MUC4: variants seen among roughly 807,000 people sequenced by gnomAD.
The protein encoded by MUC4 is mucin-4.
MUC4 carries 202 observed loss-of-function variants against 257.9 expected under a neutral mutation model. That is an observed-to-expected ratio of 0.78 (90% CI 0.70 to 0.88). The LOEUF (loss-of-function observed/expected upper bound fraction) is 0.88. Ranked by LOEUF, MUC4 falls within the 40% of genes least tolerant of loss-of-function variation. The pLI is 0.00. For synonymous variants in MUC4, 2,351 were observed against 2,757.1 expected (o/e 0.85, Z 4.62); for missense variants, 5,976 against 6,513.7 (o/e 0.92, Z 2.84).
Position 195,790,805 on chromosome 3 carries a change from T to A in MUC4, c.775A>T (p.Met259Leu), listed in dbSNP as rs550241637. 2 of 1,613,778 alleles carry A rather than the reference T, an allele frequency of 1.2e-6. No individual in the cohort carries two copies. The highest frequency in any genetic ancestry group is 1.1e-5 in the South Asian group (1 of 91,076). ...GTCACTGTTATCTTCTCTGATGTCA[T>A]CATGGATGTGTTTGTGACACTACAG... is the stretch of plus-strand genomic sequence containing the variant. The part of the protein sequence containing the change: ...SLCSVTNTSM[M>L]TSEKITVTTS... Residue 259 changes from methionine (M) to leucine (L), a missense_variant, in exon 2 of 25, where the codon ATG becomes TTG. This residue lies in a region of MUC4 where 1,583 missense variants were observed against 1,257.4 expected (regional missense o/e 1.26). Transcript: ENST00000463781.
intron 10 of MUC4, among the ~76,000 whole-genome samples, chr3:195,764,722 G>A (rs62285016): frequency 0.15 from 22,256 of 152,064 alleles, 1,809 homozygotes; most frequent in Non-Finnish European, 0.2. Context: ...CTACAGGGAC[G>A]GGGTCAGCCT....
intron 17 of MUC4, among the ~76,000 whole-genome samples, chr3:195,758,049 G>T (rs1432327990): frequency 6.6e-6 from 1 of 152,224 alleles, no homozygotes; most frequent in African/African-American, 2.4e-5. Context: ...CAGAGAGAAA[G>T]AACATCAGGC....
rs1452626313 is a variant in MUC4 at position 195,778,371 on chromosome 3, G to A, written c.12875C>T (p.Ser4292Phe). The change falls in exon 3 of 25, where the codon TCC (serine) becomes TTC (phenylalanine). Residue 4292 changes from serine to phenylalanine, a missense_variant. By Grantham distance (155) the Ser-to-Phe change is radical. This residue lies in a region of MUC4 where 233 missense variants were observed against 171.2 expected (regional missense o/e 1.36). Coordinates refer to ENST00000463781, the MANE Select transcript of MUC4 (RefSeq NM_018406.7). Reference sequence around the variant, plus strand: ...GTGCATGGCAGTGCTGGGAATGGTGGAAATGATGGTCTGGGAGGTTGTGGG... The same window carrying A: ...GTGCATGGCAGTGCTGGGAATGGTGAAAATGATGGTCTGGGAGGTTGTGGG... ...PPPTTSQTIISTIPSTAMHTR... is the reference protein window; with the variant it reads ...PPPTTSQTIIFTIPSTAMHTR... 1.2e-6 allele frequency: 2 copies of A among 1,613,096 alleles called. No individual in the cohort carries two copies. Among genetic ancestry groups the A allele is most frequent in the Admixed American group, 1.7e-5 (1 of 59,932 alleles).
At chr3:195,772,527 C>T (rs760638635) in intron 4 of MUC4, among the ~76,000 whole-genome samples, 12 of 78,226 alleles carry the variant, frequency 1.5e-4, no homozygotes, top group African/African-American at 4.6e-4. Flanking sequence ...AGACACCCTC[C>T]CTTCATCGCT....
intron 3 of MUC4, among the ~76,000 whole-genome samples, chr3:195,776,803 A>ACCCATACCTTCCACG (rs1724901370): frequency 2.7e-5 from 2 of 72,732 alleles, no homozygotes; most frequent in Admixed American, 1.4e-4. Context: ...TACCTTCCAC[A>ACCCATACCTTCCACG]CCCATACCTT....
intron 1 of MUC4, among the ~76,000 whole-genome samples, chr3:195,799,260 T>TGTGAGAGA (rs1553889795): frequency 0.016 from 2,447 of 149,216 alleles, 28 homozygotes; most frequent in Non-Finnish European, 0.025. Context: ...TGTGTGTGTG[T>TGTGAGAGA]GACACTGTGT....
In MUC4 at chr3:195,784,533, G is replaced by A. The variant is rs201835572; in HGVS notation, c.7047C>T (p.His2349=). ...CGTCGGTGACATGAAGAGGGGTGGC[G>A]TGACCTGTGGATGCTGAGGAAGGGC... is the stretch of plus-strand genomic sequence containing the variant. ...VTSPSSASTG[H]ATPLHVTDAS... Residue 2349 remains histidine (H), a synonymous_variant, in exon 2 of 25, where the codon CAC becomes CAT. Coordinates refer to ENST00000463781, the MANE Select transcript of MUC4 (RefSeq NM_018406.7). 6.8e-3 allele frequency: 10,085 copies of A among 1,490,962 alleles called. 571 individuals are homozygous for A. The highest frequency in any genetic ancestry group is 0.015 in the South Asian group (1,158 of 79,204). The allele number at this position is 1,490,962 out of a possible 1,614,324, so 92.4% of individuals were successfully genotyped here.
At chr3:195,792,388 C>T (rs539933802) in intron 1 of MUC4, among the ~76,000 whole-genome samples, 1 of 152,320 alleles carries the variant, frequency 6.6e-6, no homozygotes, top group African/African-American at 2.4e-5. Context: ...AAAGGCTCAT[C>T]ATCATGGATC....
intron 8 of MUC4, 137 bp from the exon 9 acceptor site, chr3:195,765,586 GCAA>G: frequency 1.2e-6 from 1 of 837,542 alleles, no homozygotes; most frequent in Non-Finnish European, 1.8e-6. Context: ...AGTCAGATGG[GCAA>G]CAATTCCTCC....
chr3:195,801,585 T>C (rs1735319237), intron 1 of MUC4, among the ~76,000 whole-genome samples: 4 of 152,098 alleles, frequency 2.6e-5, no homozygotes. Flanking sequence ...GTCTGTGTCC[T>C]CCTCGTCCCT....
chr3:195,751,068 A>T lies in MUC4; in HGVS notation c.15692T>A (p.Met5231Lys). 1 of 1,598,286 alleles carries T rather than the reference A, an allele frequency of 6.3e-7. No individual in the cohort carries two copies. Among genetic ancestry groups the T allele is most frequent in the Non-Finnish European group, 8.5e-7 (1 of 1,172,526 alleles). Residue 5231 changes from methionine (M) to lysine (K), a missense_variant, in exon 23 of 25, where the codon ATG (methionine) becomes AAG (lysine). Physicochemically the swap from Met to Lys is moderately conservative, Grantham distance 95 (BLOSUM62 -1). Coordinates refer to ENST00000463781, the MANE Select transcript of MUC4 (RefSeq NM_018406.7). Reference protein sequence around the residue: ...PASGSPIQHWMVISEFQYRPR... With the variant: ...PASGSPIQHWKVISEFQYRPR... ...GCGGTACTGGAACTCCGAGATGACCATCCAGTGTTGGATGGGGCTTCCCGA... is the reference window on the plus strand; with the variant it reads ...GCGGTACTGGAACTCCGAGATGACCTTCCAGTGTTGGATGGGGCTTCCCGA...
At chr3:195,762,631 G>A (rs78700320) in intron 13 of MUC4, among the ~76,000 whole-genome samples, 100 of 37,888 alleles carry the variant, frequency 2.6e-3, no homozygotes, top group African/African-American at 4.0e-3. Flanking sequence ...GCCCTGCACC[G>A]CCACGCACCG....
rs752798675 is a variant in MUC4 at position 195,782,541 on chromosome 3, G to C, written c.9039C>G (p.Asp3013Glu). The part of the protein sequence containing the change: ...IGHATSLPVT[D>E]TSSISTGHAT... ...CGTGACCTGTGGATATTGAGGAAGTGTCGGTGACAGGAAGAGAGGTGGCGT... is the reference window on the plus strand; with the variant it reads ...CGTGACCTGTGGATATTGAGGAAGTCTCGGTGACAGGAAGAGAGGTGGCGT... The change falls in exon 2 of 25, where the codon GAC (aspartate) becomes GAG (glutamate). Residue 3013 changes from aspartate (D) to glutamate (E), a missense_variant. Around this residue, in one of 44 missense-constraint regions of MUC4, gnomAD observed 68 missense variants for 50.2 expected, o/e 1.35. Transcript: ENST00000463781. The C allele has an allele frequency of 2.0e-5, 29 of 1,475,436 alleles. 2 individuals are homozygous for C. Among genetic ancestry groups the C allele is most frequent in the Non-Finnish European group, 2.2e-5 (24 of 1,100,758 alleles). The allele number at this position is 1,475,436 out of a possible 1,614,324, so 91.4% of individuals were successfully genotyped here.
chr3:195,807,338 G>A (rs965130886), intron 1 of MUC4, among the ~76,000 whole-genome samples: 2 of 152,060 alleles, frequency 1.3e-5, no homozygotes, highest in African/African-American at 4.8e-5. Flanking sequence ...TGTGGTGTTG[G>A]GCGTCTATAA....
intron 1 of MUC4, among the ~76,000 whole-genome samples, chr3:195,798,495 A>C (rs1394643059): frequency 6.6e-6 from 1 of 152,122 alleles, no homozygotes; most frequent in Non-Finnish European, 1.5e-5. Context: ...TGAGGTCAGG[A>C]GATCGAGACC....
At chr3:195,774,787 C>A (rs1461478902) in intron 3 of MUC4, among the ~76,000 whole-genome samples, 3 of 151,712 alleles carry the variant, frequency 2.0e-5, no homozygotes, top group African/African-American at 7.3e-5. Flanking sequence ...GTAATCCCAG[C>A]CACTCGGGAG....
chr3:195,762,292 G>A (rs745799480), intron 13 of MUC4, 38 bp from the exon 14 acceptor site: 4 of 1,536,518 alleles, frequency 2.6e-6, no homozygotes, highest in Admixed American at 2.0e-5. Flanking sequence ...AAGCCAGGTC[G>A]GCACCACGGC....
At chr3:195,774,357 T>C (rs1723865276) in intron 3 of MUC4, 52 bp from the exon 4 acceptor site, 1 of 1,478,640 alleles carries the variant, frequency 6.8e-7, no homozygotes, top group South Asian at 1.4e-5. Flanking sequence ...GGGCCTTCTT[T>C]AGGGCTGAAA....
Position 195,790,428 on chromosome 3 carries a change from G to A in MUC4, c.1152C>T (p.Ser384=). 6.2e-7 allele frequency: 1 copy of A among 1,613,642 alleles called. No individual in the cohort carries two copies. The highest frequency in any genetic ancestry group is 8.5e-7 in the Non-Finnish European group (1 of 1,179,566). The change falls in exon 2 of 25, where the codon AGC becomes AGT. Residue 384 remains serine, a synonymous_variant. Coordinates refer to ENST00000463781, the MANE Select transcript of MUC4 (RefSeq NM_018406.7). ...ETTTSSPSSV[S]NTFLVTSKVF... is the part of the protein sequence containing the mutation. ...CCTTTGATGTTACCAGGAATGTATT[G>A]CTGACACTGGAAGGGGATGAGGTGG...
Sources: gnomAD v4.1 joint callset for allele counts (sites outside exome capture counted in the v4.1 genomes callset) on GRCh38, gnomAD v4.1.1 for gene constraint, gnomAD v4.1.1 regional missense constraint, MANE v1.5 for transcripts, NCBI Gene and HGNC (gene_info 2026-07-23, HGNC 2026-07-21) for gene names.